RNF213: variants seen among roughly 807,000 people sequenced by gnomAD.
RNF213 encodes E3 ubiquitin-protein ligase RNF213.
RNF213 carries 341 observed loss-of-function variants against 514.4 expected under a neutral mutation model. That is an observed-to-expected ratio of 0.66 (90% CI 0.61 to 0.73). The LOEUF (loss-of-function observed/expected upper bound fraction) is 0.73. RNF213 is among the 30% of genes least tolerant of loss of function. The pLI is 0.00. For missense variants in RNF213, 5,767 were observed against 6,615.6 expected, an observed-to-expected ratio of 0.87 and a Z score of 4.45; for synonymous variants, 2,655 against 2,658.2, an observed-to-expected ratio of 1.00 and a Z score of 0.04.
In RNF213 at chr17:80,344,477, C is replaced by G. The variant is rs369974574; in HGVS notation, c.6343-201C>G. Among the ~76,000 whole-genome samples the G allele has an allele frequency of 1.8e-4, 27 of 152,296 alleles. No individual in the cohort carries two copies. The East Asian group carries it at 2.9e-3, about 16-fold the overall frequency. On this transcript the variant is annotated intron_variant, in intron 28 of 67. Coordinates refer to ENST00000582970, the MANE Select transcript of RNF213 (RefSeq NM_001256071.3). ...TGGGTTAGAAAGTGATTTCCTGGCTCAGAACGCAGCTCCCACAGCAATGCC... is the reference window on the plus strand; with the variant it reads ...TGGGTTAGAAAGTGATTTCCTGGCTGAGAACGCAGCTCCCACAGCAATGCC...
chr17:80,350,185 TCCTA>T, intron 30 of RNF213, 112 bp from the exon 31 acceptor site: 1 of 799,060 alleles, frequency 1.3e-6, no homozygotes, highest in Admixed American at 2.0e-5. Context: ...CTGAAGAAAA[TCCTA>T]CCTGAGTAGC....
chr17:80,262,637 T>C (rs62074441), intron 1 of RNF213, among the ~76,000 whole-genome samples: 79,892 of 152,072 alleles, frequency 0.53, 21,692 homozygotes, highest in African/African-American at 0.66. Context: ...TACAAAAGGA[T>C]AGCTTCCCAG....
intron 2 of RNF213, among the ~76,000 whole-genome samples, chr17:80,265,673 C>T (rs1255579472): frequency 6.6e-6 from 1 of 152,138 alleles, no homozygotes; most frequent in Non-Finnish European, 1.5e-5. Flanking sequence ...CTCCTGTAGC[C>T]ACAGGGTTGA....
At chr17:80,376,034 C>T (rs2079742668) in intron 51 of RNF213, among the ~76,000 whole-genome samples, 164 bp downstream of exon 51, 2 of 152,026 alleles carry the variant, frequency 1.3e-5, no homozygotes, top group African/African-American at 4.8e-5. Context: ...CTGTTTAACC[C>T]AAAGCTTGTA....
At chr17:80,376,663 C>A in intron 52 of RNF213, 120 bp downstream of exon 52, 1 of 1,403,186 alleles carries the variant, frequency 7.1e-7, no homozygotes, top group Non-Finnish European at 9.9e-7. Flanking sequence ...AGTTCTCTGC[C>A]TTTGTGTCAC....
chr17:80,360,076 G>A lies in RNF213; in HGVS notation c.11070G>A (p.Met3690Ile). ...CTTATTGCAGACATAAAGGTGAGAT[G>A]GCCTACATCGTGGTGCAGAACCACA... is the stretch of plus-strand genomic sequence containing the variant. ...VMNNERHKGE[M>I]AYIVVQNHMN... is the part of the protein sequence containing the mutation. The change falls in exon 38 of 68, where the codon ATG (methionine) becomes ATA (isoleucine). Residue 3690 changes from methionine to isoleucine, a missense_variant. Coordinates refer to ENST00000582970, the MANE Select transcript of RNF213 (RefSeq NM_001256071.3). 6.2e-7 allele frequency: 1 copy of A among 1,614,160 alleles called. No homozygotes were observed. The highest frequency in any genetic ancestry group is 2.2e-5 in the East Asian group (1 of 44,880).
chr17:80,334,369 C>G (rs746177359), intron 22 of RNF213, 99 bp downstream of exon 22: 18 of 1,306,622 alleles, frequency 1.4e-5, no homozygotes, highest in Non-Finnish European at 1.8e-5. Flanking sequence ...CTCCCCTTGG[C>G]CAAGGACTAC....
At chr17:80,367,174 T>C (rs933303205) in intron 42 of RNF213, among the ~76,000 whole-genome samples, 1 of 152,200 alleles carries the variant, frequency 6.6e-6, no homozygotes, top group Non-Finnish European at 1.5e-5. Context: ...ATCATTGATA[T>C]CAAGTTTTAA....
intron 11 of RNF213, among the ~76,000 whole-genome samples, chr17:80,306,023 C>T (rs369601590): frequency 3.8e-4 from 58 of 152,008 alleles, no homozygotes; most frequent in African/African-American, 1.3e-3. Context: ...AGAGACAGGG[C>T]CTCACTAGGT....
At position 80,385,521 on chromosome 17, in the gene RNF213, A is replaced by C. The variant is rs947907916; in HGVS notation, c.14456-17A>C. On this transcript the variant is annotated splice_polypyrimidine_tract_variant and intron_variant, in intron 60 of 67. Transcript: ENST00000582970. ...GGTTGCTATCATACGGTTCTTACCA[A>C]GTATTCTGTTCAACAGATGGGTTGA... 1.2e-6 allele frequency: 2 copies of C among 1,612,264 alleles called. No homozygotes were observed. Among genetic ancestry groups the C allele is most frequent in the African/African-American group, 1.3e-5 (1 of 74,904 alleles).
At chr17:80,358,588 A>G (rs2078921624) in intron 37 of RNF213, 109 bp downstream of exon 37, 2 of 1,013,786 alleles carry the variant, frequency 2.0e-6, no homozygotes, top group South Asian at 2.7e-5. Flanking sequence ...CTTCAGAGCA[A>G]CGTTGACATG....
At chr17:80,325,474 T>G (rs1212270997) in intron 18 of RNF213, among the ~76,000 whole-genome samples, 1 of 152,224 alleles carries the variant, frequency 6.6e-6, no homozygotes, top group East Asian at 1.9e-4. Context: ...ACAACCCTTC[T>G]GAAAGTCCCC....
intron 11 of RNF213, among the ~76,000 whole-genome samples, chr17:80,303,571 T>TC (rs1236383835): frequency 2.0e-5 from 3 of 149,654 alleles, no homozygotes; most frequent in South Asian, 2.1e-4. Context: ...TCTTTTCTTT[T>TC]TTTTTTTTTT....
Position 80,344,965 on chromosome 17 carries a change from A to C in RNF213, c.6630A>C (p.Pro2210=), listed in dbSNP as rs1186798194. The C allele has an allele frequency of 6.2e-7, 1 of 1,614,160 alleles. No individual in the cohort carries two copies. Among genetic ancestry groups the C allele is most frequent in the Non-Finnish European group, 8.5e-7 (1 of 1,180,030 alleles). Residue 2210 remains proline, a synonymous_variant, in exon 29 of 68, where the codon CCA becomes CCC. Transcript: ENST00000582970. ...HFLFHCGVIN[P]SWSELRNFAR... ...TGTTTCACTGCGGGGTAATAAACCC[A>C]TCCTGGTCAGAGCTTCGGAACTTTG...
chr17:80,373,309 C>CA (rs1241488402), intron 49 of RNF213, 144 bp downstream of exon 49: 5 of 639,194 alleles, frequency 7.8e-6, no homozygotes, highest in East Asian at 5.8e-5. Context: ...CTCATACCCC[C>CA]ACACCTCACC....
At chr17:80,298,158 G>A (rs1413981550) in intron 10 of RNF213, among the ~76,000 whole-genome samples, 163 bp from the exon 11 acceptor site, 2 of 152,132 alleles carry the variant, frequency 1.3e-5, no homozygotes, top group African/African-American at 4.8e-5. Flanking sequence ...GCTGGGGGCT[G>A]AGGGAAGCCC....
At chr17:80,322,971 T>C (rs1568071254) in intron 17 of RNF213, among the ~76,000 whole-genome samples, 1 of 152,322 alleles carries the variant, frequency 6.6e-6, no homozygotes, top group East Asian at 1.9e-4. Flanking sequence ...TGATGAAGAT[T>C]TACTCCTATG....
intron 13 of RNF213, among the ~76,000 whole-genome samples, chr17:80,308,079 A>T (rs570096217): frequency 2.0e-5 from 3 of 152,090 alleles, no homozygotes; most frequent in Admixed American, 2.0e-4. Flanking sequence ...TTGCTCCTGC[A>T]AATTTGTGAC....
Position 80,373,074 on chromosome 17 carries a change from G to A in RNF213, c.12851G>A (p.Ser4284Asn). 1 of 1,613,994 alleles carries A rather than the reference G, an allele frequency of 6.2e-7. No homozygotes were observed. Among genetic ancestry groups the A allele is most frequent in the Non-Finnish European group, 8.5e-7 (1 of 1,180,008 alleles). The change falls in exon 49 of 68, where the codon AGC becomes AAC. Residue 4284 changes from serine (S) to asparagine (N), a missense_variant. By Grantham distance (46) the Ser-to-Asn change is conservative. This residue lies in a region of RNF213 where 1,245 missense variants were observed against 1,339.0 expected (regional missense o/e 0.93). Coordinates refer to ENST00000582970, the MANE Select transcript of RNF213 (RefSeq NM_001256071.3). ...CGGGTGTACCTGGTGCGGAAGCTCA[G>A]CAGCCAGCGGGGGATGGAGTTCGTG... ...WHRVYLVRKLSSQRGMEFVQG... is the reference protein window; with the variant it reads ...WHRVYLVRKLNSQRGMEFVQG...
Sources: gnomAD v4.1 joint callset for allele counts (sites outside exome capture counted in the v4.1 genomes callset) on GRCh38, gnomAD v4.1.1 for gene constraint, gnomAD v4.1.1 regional missense constraint, MANE v1.5 for transcripts, NCBI Gene and HGNC (gene_info 2026-07-23, HGNC 2026-07-21) for gene names.